NCR1: variants seen among roughly 807,000 people sequenced by gnomAD.
The protein encoded by NCR1 is natural cytotoxicity triggering receptor 1.
NCR1 carries 30 observed loss-of-function variants against 32.5 expected under a neutral mutation model. That is an observed-to-expected ratio of 0.92 (90% CI 0.69 to 1.25). The LOEUF (loss-of-function observed/expected upper bound fraction) is 1.25, where lower values mean the gene tolerates loss of function less well. Among genes scored for constraint, NCR1 ranks in the 50% most tolerant of loss-of-function variants. NCR1 has a pLI of 0.00. For synonymous variants in NCR1, 169 were observed against 143.4 expected, an observed-to-expected ratio of 1.18 and a Z score of -1.28; for missense variants, 369 against 380.7, an observed-to-expected ratio of 0.97 and a Z score of 0.26.
At chr19:54,935,732 G>A in the NCR1 span, among the ~76,000 whole-genome samples, 1 of 150,962 alleles carries the variant, frequency 6.6e-6, no homozygotes, top group Non-Finnish European at 1.5e-5. Flanking sequence ...TGAGTGCAGA[G>A]AAGGTTGCAT....
chr19:54,930,057 G>A, the NCR1 span, among the ~76,000 whole-genome samples: 2 of 146,690 alleles, frequency 1.4e-5, no homozygotes, highest in Non-Finnish European at 3.0e-5. Flanking sequence ...AGAGGTTGCA[G>A]TAAGCCGAGA....
chr19:54,902,928 G>T (rs750303373), upstream of NCR1, among the ~76,000 whole-genome samples: 1 of 151,900 alleles, frequency 6.6e-6, no homozygotes, highest in Non-Finnish European at 1.5e-5. Context: ...TCAAGAGTTC[G>T]AGACTAGCCT....
the NCR1 span, among the ~76,000 whole-genome samples, chr19:54,898,939 G>C: frequency 1.3e-5 from 2 of 152,128 alleles, no homozygotes; most frequent in African/African-American, 4.8e-5. Flanking sequence ...AGGAGCGGAG[G>C]CTGAGGAAGA....
downstream of NCR1, chr19:54,915,638 G>GA (rs1407302047): frequency 1.3e-5 from 2 of 151,786 alleles, no homozygotes; most frequent in African/African-American, 4.8e-5. Context: ...GTAACAGAGC[G>GA]AGACTCCCTC....
At chr19:54,907,343 G>T (rs2067684832) in intron 3 of NCR1, among the ~76,000 whole-genome samples, 2 of 150,552 alleles carry the variant, frequency 1.3e-5, no homozygotes, top group Non-Finnish European at 3.0e-5. Flanking sequence ...TAGAGATGGG[G>T]TTTCACCATG....
At chr19:54,905,498 A>C (rs1407420186), upstream of NCR1, among the ~76,000 whole-genome samples, 1 of 152,172 alleles carries the variant, frequency 6.6e-6, no homozygotes, top group Non-Finnish European at 1.5e-5. Context: ...TACAGAAGCA[A>C]GAAACAAAGG....
chr19:54,907,987 T>C (rs1240162509), intron 3 of NCR1, among the ~76,000 whole-genome samples: 6 of 152,202 alleles, frequency 3.9e-5, no homozygotes, highest in Non-Finnish European at 8.8e-5. Flanking sequence ...TATTCTTTTT[T>C]TTTTAATTTT....
chr19:54,933,843 G>T, the NCR1 span: 1 of 983,732 alleles, frequency 1.0e-6, no homozygotes, highest in Non-Finnish European at 1.6e-6. Flanking sequence ...AGCCCTTCCT[G>T]TTCATCCCCT....
upstream of NCR1, among the ~76,000 whole-genome samples, chr19:54,904,475 C>A (rs906134347): frequency 6.6e-6 from 1 of 151,398 alleles, no homozygotes; most frequent in Non-Finnish European, 1.5e-5. Flanking sequence ...CCCTCCTTAC[C>A]CAATGTTTAG....
chr19:54,910,572 A>C (rs979842017), intron 5 of NCR1, among the ~76,000 whole-genome samples: 1 of 149,790 alleles, frequency 6.7e-6, no homozygotes, highest in Non-Finnish European at 1.5e-5. Context: ...ACTCCATCTC[A>C]CAGAAAAACA....
chr19:54,935,624 C>T, the NCR1 span, among the ~76,000 whole-genome samples: 1 of 148,164 alleles, frequency 6.7e-6, no homozygotes, highest in African/African-American at 2.5e-5. Context: ...ACCCAGGAGG[C>T]GGAGGTTGCA....
At chr19:54,899,612 A>G in the NCR1 span, among the ~76,000 whole-genome samples, 134 of 152,112 alleles carry the variant, frequency 8.8e-4, no homozygotes, top group African/African-American at 3.1e-3. Flanking sequence ...GCCCCCTAGA[A>G]AAGCGGTACT....
At chr19:54,924,667 G>A in the NCR1 span, among the ~76,000 whole-genome samples, 1 of 152,080 alleles carries the variant, frequency 6.6e-6, no homozygotes, top group Non-Finnish European at 1.5e-5. Flanking sequence ...GGTGCACGGT[G>A]ACTCACGCCT....
At chr19:54,932,653 GT>G in the NCR1 span, among the ~76,000 whole-genome samples, 3 of 151,080 alleles carry the variant, frequency 2.0e-5, no homozygotes, top group East Asian at 3.9e-4. Flanking sequence ...TTTTTGTTGA[GT>G]TTTTTTTTGT....
At chr19:54,937,145 G>T in the NCR1 span, among the ~76,000 whole-genome samples, 8 of 151,452 alleles carry the variant, frequency 5.3e-5, no homozygotes, top group Non-Finnish European at 1.2e-4. Context: ...ATGAACCCGG[G>T]AGGCAGGGCT....
Position 54,912,899 on chromosome 19 carries a change from G to T in NCR1, c.*28G>T. 6.2e-7 allele frequency: 1 copy of T among 1,604,134 alleles called. No individual in the cohort carries two copies. Among genetic ancestry groups the T allele is most frequent in the Non-Finnish European group, 8.5e-7 (1 of 1,173,732 alleles). On this transcript the variant is annotated 3_prime_UTR_variant, in exon 7 of 7. Transcript: ENST00000291890. ...AATGACCATGAGACACAGTGGCCAT[G>T]GGTGGATCTGAAAGCTGGTGTTGAG...
At chr19:54,909,661 C>T in intron 4 of NCR1, 138 bp downstream of exon 4, 1 of 1,049,932 alleles carries the variant, frequency 9.5e-7, no homozygotes, top group Non-Finnish European at 1.3e-6. Flanking sequence ...TGAGGAAGAA[C>T]ACCAGAAGCA....
At chr19:54,922,889 G>C in the NCR1 span, among the ~76,000 whole-genome samples, 10 of 150,608 alleles carry the variant, frequency 6.6e-5, 1 homozygote, top group Admixed American at 6.0e-4. Context: ...CAGACACAGA[G>C]ACACACACAC....
upstream of NCR1, among the ~76,000 whole-genome samples, chr19:54,903,820 C>G (rs971101933): frequency 2.0e-5 from 3 of 151,356 alleles, no homozygotes; most frequent in African/African-American, 7.3e-5. Flanking sequence ...GAGTTAGTTA[C>G]TTACTTAAAA....
Sources: allele counts gnomAD v4.1 joint callset (sites outside exome capture counted in the v4.1 genomes callset), GRCh38; gene constraint gnomAD v4.1.1; transcripts MANE v1.5; gene names NCBI Gene and HGNC (gene_info 2026-07-23, HGNC 2026-07-21).